ANKRD44: variants seen among roughly 807,000 people sequenced by gnomAD.
ANKRD44 encodes the protein serine/threonine-protein phosphatase 6 regulatory ankyrin repeat subunit B.
In ANKRD44, 35 loss-of-function variants were observed where a neutral mutation model predicts 116.0. The ratio of observed to expected loss-of-function variants is 0.30; its 90% CI spans 0.23 to 0.40. The LOEUF (loss-of-function observed/expected upper bound fraction) is 0.40. Among genes scored for constraint, ANKRD44 ranks in the 10% least tolerant of loss-of-function variants. The pLI, the probability that ANKRD44 is intolerant of heterozygous loss-of-function variation, is 1.00. For missense variants in ANKRD44, 1,014 were observed against 1,242.6 expected, an observed-to-expected ratio of 0.82 and a Z score of 2.77; for synonymous variants, 435 against 461.8, an observed-to-expected ratio of 0.94 and a Z score of 0.74.
chr2:197,074,924 A>G (rs2077633828), intron 16 of ANKRD44, among the ~76,000 whole-genome samples: 1 of 152,206 alleles, frequency 6.6e-6, no homozygotes, highest in Non-Finnish European at 1.5e-5. Flanking sequence ...GAGTTGCCCA[A>G]GACACAGTTG....
intron 1 of ANKRD44, among the ~76,000 whole-genome samples, chr2:197,231,202 C>T (rs191639837): frequency 1.3e-5 from 2 of 152,184 alleles, no homozygotes; most frequent in Non-Finnish European, 1.5e-5. Flanking sequence ...GCAGGAGGAT[C>T]GCTTAAGCCT....
At chr2:197,110,962 A>G in intron 8 of ANKRD44, 118 bp from the exon 9 acceptor site, 1 of 723,898 alleles carries the variant, frequency 1.4e-6, no homozygotes, top group Non-Finnish European at 2.4e-6. Context: ...TTATTTATTT[A>G]TTTTTTAAGT....
intron 1 of ANKRD44, among the ~76,000 whole-genome samples, chr2:197,273,631 G>C (rs1434936455): frequency 6.6e-6 from 1 of 152,072 alleles, no homozygotes; most frequent in Non-Finnish European, 1.5e-5. Context: ...GGGCCTAGGA[G>C]CCAGGCCAGC....
In ANKRD44 at chr2:197,197,585, C is replaced by T. The variant is rs139867979; in HGVS notation, c.28-10479G>A. On this transcript the variant is annotated intron_variant, in intron 1 of 27. Transcript: ENST00000282272. Reference sequence around the variant, plus strand: ...CAACACTTTGGGAGACCAAGGCAGGCGGATCACTTGAATCCAGGAGTTCCA... The same window carrying T: ...CAACACTTTGGGAGACCAAGGCAGGTGGATCACTTGAATCCAGGAGTTCCA... 5.2e-3 allele frequency among the ~76,000 whole-genome samples: 793 copies of T among 152,042 alleles called. 7 individuals are homozygous for T. The highest frequency in any genetic ancestry group is 4.9e-3 in the Non-Finnish European group (331 of 67,982).
intron 18 of ANKRD44, among the ~76,000 whole-genome samples, chr2:197,012,391 C>T (rs1415082797): frequency 6.6e-6 from 1 of 152,152 alleles, no homozygotes; most frequent in African/African-American, 2.4e-5. Flanking sequence ...GGATGCTTCT[C>T]TTAAAAATAG....
intron 16 of ANKRD44, among the ~76,000 whole-genome samples, chr2:197,043,705 G>T (rs1162874119): frequency 6.6e-6 from 1 of 152,038 alleles, no homozygotes; most frequent in Non-Finnish European, 1.5e-5. Context: ...CTTGACACGG[G>T]GGAGACTAAA....
At chr2:197,243,605 C>A (rs1294267630) in intron 1 of ANKRD44, among the ~76,000 whole-genome samples, 1 of 152,196 alleles carries the variant, frequency 6.6e-6, no homozygotes, top group Non-Finnish European at 1.5e-5. Flanking sequence ...TTATAAACAA[C>A]AGAGATTTAT....
intron 17 of ANKRD44, chr2:197,016,015 A>T (rs2076386099): frequency 3.7e-6 from 2 of 535,556 alleles, no homozygotes; most frequent in South Asian, 2.8e-5. Flanking sequence ...GAAGTTTCTA[A>T]AAACAGCAGA....
At chr2:197,145,175 C>T (rs893952215) in intron 3 of ANKRD44, among the ~76,000 whole-genome samples, 4 of 152,120 alleles carry the variant, frequency 2.6e-5, no homozygotes, top group African/African-American at 9.7e-5. Flanking sequence ...CCTGTGGTCC[C>T]AGCTACTCGG....
intron 1 of ANKRD44, among the ~76,000 whole-genome samples, chr2:197,264,530 T>C (rs1011562840): frequency 2.6e-5 from 4 of 152,230 alleles, no homozygotes; most frequent in Non-Finnish European, 4.4e-5. Flanking sequence ...TTTAGTATCA[T>C]TTTTCACAAT....
chr2:197,117,974 G>A (rs2078753010), intron 8 of ANKRD44, among the ~76,000 whole-genome samples: 1 of 152,092 alleles, frequency 6.6e-6, no homozygotes, highest in African/African-American at 2.4e-5. Context: ...CACTTTGGGA[G>A]GCTAAGGCAG....
intron 21 of ANKRD44, among the ~76,000 whole-genome samples, chr2:196,972,906 T>A (rs1164575382): frequency 6.6e-6 from 1 of 152,256 alleles, no homozygotes; most frequent in Non-Finnish European, 1.5e-5. Context: ...ACATTTAGCA[T>A]CCCTGAAATT....
At chr2:196,967,933 C>CTCTCTCTCTCTCTCTG (rs766250738) in intron 21 of ANKRD44, among the ~76,000 whole-genome samples, 22 of 151,916 alleles carry the variant, frequency 1.4e-4, no homozygotes, top group Non-Finnish European at 2.4e-4. Flanking sequence ...CTCTCTCTCT[C>CTCTCTCTCTCTCTCTG]TCTCTCTCAC....
In ANKRD44 at chr2:196,987,581, G is replaced by A. The variant is rs2075852245; in HGVS notation, c.*2010C>T. ...ATTTAATAACAAAATGATAAACCAA[G>A]CAGTGTTTACTGCCTAAAGTACCAA... On this transcript the variant is annotated 3_prime_UTR_variant, in exon 28 of 28. Transcript: ENST00000282272. 1 of 985,356 alleles carries A rather than the reference G, an allele frequency of 1.0e-6. No homozygotes were observed. Among genetic ancestry groups the A allele is most frequent in the Non-Finnish European group, 1.2e-6 (1 of 829,888 alleles). The allele number at this position is 985,356 out of a possible 1,614,324, so 61.0% of individuals were successfully genotyped here. A position where few individuals can be genotyped will look rare whatever the true frequency, so the allele number is the denominator to read the frequency against.
Position 197,125,445 on chromosome 2 carries a change from T to C in ANKRD44, c.486A>G (p.Lys162=), listed in dbSNP as rs781314482. 10 of 1,613,892 alleles carry C rather than the reference T, an allele frequency of 6.2e-6. No homozygotes were observed. In the East Asian group the frequency reaches 2.2e-4, roughly 36 times the overall value. ...HVEMVNLLLA[K]GANINAFDKK... ...TGTCAAATGCATTGATATTTGCCCC[T>C]TTGGCCAAGAGTAAATTGACCATCT... The change falls in exon 6 of 28, where the codon AAA becomes AAG. Residue 162 remains lysine, a synonymous_variant. Coordinates refer to ENST00000282272, the MANE Select transcript of ANKRD44 (RefSeq NM_001195144.2).
rs931078476 is a variant in ANKRD44, at chr2:197,212,311, C to G, written c.28-25205G>C. Among the ~76,000 whole-genome samples the G allele has an allele frequency of 1.4e-4, 22 of 152,232 alleles. No individual in the cohort carries two copies. Among genetic ancestry groups the G allele is most frequent in the East Asian group, 9.7e-4 (5 of 5,176 alleles). On this transcript the variant is annotated intron_variant, in intron 1 of 27. Coordinates refer to ENST00000282272, the MANE Select transcript of ANKRD44 (RefSeq NM_001195144.2). The surrounding 1 kb of genome is among the most constrained non-coding windows in gnomAD (Gnocchi z 4.8). ...AGCCAGTAAGTGTGTGAGCTTAGAT[C>G]ATGGATAATTTTCAAAGAAACCACT...
At chr2:196,972,446 C>G (rs2075722404) in intron 21 of ANKRD44, among the ~76,000 whole-genome samples, 1 of 152,200 alleles carries the variant, frequency 6.6e-6, no homozygotes, top group African/African-American at 2.4e-5. Flanking sequence ...ATGTGACCCA[C>G]CCACCTTGTC....
At chr2:197,154,548 G>A (rs1248671405) in intron 2 of ANKRD44, among the ~76,000 whole-genome samples, 3 of 151,914 alleles carry the variant, frequency 2.0e-5, no homozygotes, top group African/African-American at 4.8e-5. Context: ...TTTCAACTGC[G>A]AACTGCCTAT....
At chr2:197,077,169 T>G (rs1183467794) in intron 16 of ANKRD44, among the ~76,000 whole-genome samples, 1 of 152,160 alleles carries the variant, frequency 6.6e-6, no homozygotes, top group African/African-American at 2.4e-5. Context: ...CCAGCATCTG[T>G]TATTTTTTGA....
Sources: gnomAD v4.1 joint callset for allele counts (sites outside exome capture counted in the v4.1 genomes callset) on GRCh38, gnomAD v4.1.1 for gene constraint, Gnocchi (gnomAD v3.1) non-coding constraint, MANE v1.5 for transcripts, NCBI Gene and HGNC (gene_info 2026-07-23, HGNC 2026-07-21) for gene names.